Variants in ACBD6 observed in about 807,000 individuals in gnomAD.
The protein encoded by ACBD6 is acyl-CoA binding domain containing 6.
ACBD6 carries 28 observed loss-of-function variants against 37.2 expected under a neutral mutation model. That is an observed-to-expected ratio of 0.75 (90% CI 0.56 to 1.03). The LOEUF (loss-of-function observed/expected upper bound fraction) is 1.03. Ranked by LOEUF, ACBD6 falls within the 50% of genes least tolerant of loss-of-function variation. The pLI is 0.00. For missense variants in ACBD6, 340 were observed against 337.4 expected (o/e 1.01, Z -0.06); for synonymous variants, 113 against 126.8 (o/e 0.89, Z 0.73).
intron 4 of ACBD6, among the ~76,000 whole-genome samples, chr1:180,424,195 T>C (rs4424469): frequency 0.83 from 125,794 of 152,018 alleles, 52,378 homozygotes; most frequent in Non-Finnish European, 0.88. Flanking sequence ...GGCAAGTAAG[T>C]TAACTTCTCT....
intron 6 of ACBD6, among the ~76,000 whole-genome samples, chr1:180,347,758 T>C (rs902653133): frequency 6.6e-6 from 1 of 151,814 alleles, no homozygotes; most frequent in African/African-American, 2.4e-5. Flanking sequence ...GATCACGAGG[T>C]CAAGAGATCA....
At chr1:180,435,306 T>TA in intron 3 of ACBD6, 1 of 499,492 alleles carries the variant, frequency 2.0e-6, no homozygotes, top group Non-Finnish European at 3.8e-6. Flanking sequence ...TGGAGTGCAG[T>TA]GGCAGGATCT....
At chr1:180,294,124 A>T (rs756333413) in intron 7 of ACBD6, among the ~76,000 whole-genome samples, 4 of 151,292 alleles carry the variant, frequency 2.6e-5, no homozygotes, top group Non-Finnish European at 5.9e-5. Flanking sequence ...CGAACTCCTG[A>T]CCTCAGGTGA....
chr1:180,396,675 A>G (rs937903993), intron 6 of ACBD6, among the ~76,000 whole-genome samples: 14 of 152,252 alleles, frequency 9.2e-5, no homozygotes, highest in Non-Finnish European at 1.5e-5. Context: ...AATAGTCAAC[A>G]AGCGTATGAA....
At chr1:180,332,231 C>CCA (rs1277082994) in intron 6 of ACBD6, among the ~76,000 whole-genome samples, 1 of 152,146 alleles carries the variant, frequency 6.6e-6, no homozygotes, top group Non-Finnish European at 1.5e-5. Flanking sequence ...AATTAATACC[C>CCA]CACATCAGTA....
chr1:180,343,357 G>A (rs1652051563), intron 6 of ACBD6, among the ~76,000 whole-genome samples: 1 of 151,924 alleles, frequency 6.6e-6, no homozygotes, highest in South Asian at 2.1e-4. Context: ...AATATACAAA[G>A]TTTAAAGACT....
At chr1:180,499,886 C>T (rs1651885816) in intron 1 of ACBD6, among the ~76,000 whole-genome samples, 1 of 152,152 alleles carries the variant, frequency 6.6e-6, no homozygotes, top group South Asian at 2.1e-4. Context: ...GTCACATTAA[C>T]TGATATTCAT....
At chr1:180,370,119 T>C (rs1226129171) in intron 6 of ACBD6, among the ~76,000 whole-genome samples, 1 of 152,198 alleles carries the variant, frequency 6.6e-6, no homozygotes, top group Non-Finnish European at 1.5e-5. Flanking sequence ...AAGTCCCTAT[T>C]CTCAAGGACC....
intron 5 of ACBD6, among the ~76,000 whole-genome samples, chr1:180,399,204 G>T (rs1223534814): frequency 6.6e-6 from 1 of 152,098 alleles, no homozygotes; most frequent in East Asian, 1.9e-4. Flanking sequence ...ACAATTTATT[G>T]TAGTATCAAA....
chr1:180,480,295 A>C (rs1468197180), intron 3 of ACBD6, among the ~76,000 whole-genome samples: 1 of 152,184 alleles, frequency 6.6e-6, no homozygotes, highest in African/African-American at 2.4e-5. Flanking sequence ...CCTAGGCAAG[A>C]GATGATGATA....
chr1:180,331,835 G>C (rs1000920221), intron 6 of ACBD6, among the ~76,000 whole-genome samples: 3 of 152,098 alleles, frequency 2.0e-5, no homozygotes, highest in African/African-American at 7.2e-5. Flanking sequence ...TTACCCAGCT[G>C]CTCAAGTCAA....
At chr1:180,343,229 T>C (rs1047497040) in intron 6 of ACBD6, among the ~76,000 whole-genome samples, 1 of 151,800 alleles carries the variant, frequency 6.6e-6, no homozygotes, top group African/African-American at 2.4e-5. Context: ...TAAAAACACA[T>C]AACCTAAATA....
intron 5 of ACBD6, 49 bp downstream of exon 5, chr1:180,413,317 C>A: frequency 6.9e-7 from 1 of 1,440,308 alleles, no homozygotes; most frequent in Non-Finnish European, 9.8e-7. Context: ...GGCACTGGGG[C>A]AGAACAACCA....
At chr1:180,427,933 A>AC (rs1219765408) in intron 4 of ACBD6, among the ~76,000 whole-genome samples, 7 of 151,380 alleles carry the variant, frequency 4.6e-5, no homozygotes, top group Admixed American at 1.3e-4. Context: ...AAAAAAAAAA[A>AC]ACCAAAAACC....
intron 1 of ACBD6, among the ~76,000 whole-genome samples, chr1:180,501,470 G>A (rs571611532): frequency 1.3e-5 from 2 of 152,278 alleles, no homozygotes; most frequent in Admixed American, 1.3e-4. Flanking sequence ...TGGGATTACA[G>A]GCATGCGCCA....
intron 3 of ACBD6, among the ~76,000 whole-genome samples, chr1:180,439,246 T>C (rs1172051652): frequency 2.6e-5 from 4 of 152,086 alleles, no homozygotes; most frequent in Non-Finnish European, 5.9e-5. Context: ...TTACCGTAAA[T>C]GGGATTCTGG....
Position 180,400,829 on chromosome 1 carries a change from C to T in ACBD6, c.574-3224G>A, listed in dbSNP as rs1314345669. 2.0e-5 allele frequency among the ~76,000 whole-genome samples: 3 copies of T among 152,240 alleles called. No homozygotes were observed. The South Asian group carries it at 6.2e-4, about 32-fold the overall frequency. On this transcript the variant is annotated intron_variant, in intron 5 of 7. Coordinates refer to ENST00000367595, the MANE Select transcript of ACBD6 (RefSeq NM_032360.4). ...TTGTTAACCACAAACACACCTAGAC[C>T]ACTACAATTATTAAACTATTTTAGG...
rs544436063 is a variant in ACBD6 at position 180,358,434 on chromosome 1, A to G, written c.663+39082T>C. On this transcript the variant is annotated intron_variant, in intron 6 of 7. Coordinates refer to ENST00000367595, the MANE Select transcript of ACBD6 (RefSeq NM_032360.4). ...AGAGCAAGACTCCGTCTCAAAAACAACAACAACAACAACAAAAAAAAAAAA... is the reference window on the plus strand; with the variant it reads ...AGAGCAAGACTCCGTCTCAAAAACAGCAACAACAACAACAAAAAAAAAAAA... Among the ~76,000 whole-genome samples the G allele has an allele frequency of 7.2e-4, 11 of 15,254 alleles. No homozygotes were observed. In the East Asian group the frequency reaches 0.055, roughly 76 times the overall value. The allele number at this position is 15,254 out of a possible 152,430, so 10.0% of individuals were successfully genotyped here.
At chr1:180,281,077 A>G (rs1399446533) in intron 9 of ACBD6, among the ~76,000 whole-genome samples, 3 of 152,270 alleles carry the variant, frequency 2.0e-5, no homozygotes, top group South Asian at 4.1e-4. Context: ...CACAGCTTCC[A>G]CCACAATGCT....
Sources: gnomAD v4.1 joint callset for allele counts (sites outside exome capture counted in the v4.1 genomes callset) on GRCh38, gnomAD v4.1.1 for gene constraint, MANE v1.5 for transcripts, NCBI Gene and HGNC (gene_info 2026-07-23, HGNC 2026-07-21) for gene names.